Variants in FADS1 observed in about 807,000 individuals in gnomAD.
FADS1 encodes the protein fatty acid desaturase 1, also known as acyl-CoA (8-3)-desaturase.
Under a neutral mutation model 61.6 loss-of-function variants are expected in FADS1, and 17 were observed. That is an observed-to-expected ratio of 0.28 (90% CI 0.19 to 0.41). FADS1 has a LOEUF of 0.41. Ranked by LOEUF, FADS1 falls within the 10% of genes least tolerant of loss-of-function variation. FADS1 has a pLI of 1.00. For missense variants in FADS1, 387 were observed against 650.9 expected, an observed-to-expected ratio of 0.59 and a Z score of 4.41; for synonymous variants, 238 against 258.7, an observed-to-expected ratio of 0.92 and a Z score of 0.77.
Position 61,806,659 on chromosome 11 carries a change from C to G in FADS1, c.976+5G>C, listed in dbSNP as rs1197547434. 1 of 1,613,566 alleles carries G rather than the reference C, an allele frequency of 6.2e-7. No homozygotes were observed. Among genetic ancestry groups the G allele is most frequent in the South Asian group, 1.1e-5 (1 of 91,074 alleles). Reference sequence around the variant, plus strand: ...AGCTCCCCTGTGTTGGATGGGGACACTCACTTAGGAAGAAGTATTTGTGCT... The same window carrying G: ...AGCTCCCCTGTGTTGGATGGGGACAGTCACTTAGGAAGAAGTATTTGTGCT... On this transcript the variant is annotated splice_donor_5th_base_variant and intron_variant, in intron 6 of 11. Coordinates refer to ENST00000350997, the MANE Select transcript of FADS1 (RefSeq NM_013402.7).
intron 5 of FADS1, among the ~76,000 whole-genome samples, chr11:61,807,481 C>G (rs2066901864): frequency 6.6e-6 from 1 of 152,230 alleles, no homozygotes; most frequent in Admixed American, 6.5e-5. Flanking sequence ...ATCTTTTGGT[C>G]TCTTGACTTA....
At position 61,816,343 on chromosome 11, in the gene FADS1, C is replaced by A. The variant is rs775554876; in HGVS notation, c.375+212G>T. ...TGTGTGCGTGTTGTTGGCCTCCATC[C>A]CCACTCCCCAGACTCCACTTCTCCA... On this transcript the variant is annotated intron_variant, in intron 1 of 11. Coordinates refer to ENST00000350997, the MANE Select transcript of FADS1 (RefSeq NM_013402.7). This position sits in a 1 kb window ranked among gnomAD's most constrained non-coding sequence, Gnocchi z 7.0. 1.9e-6 allele frequency: 3 copies of A among 1,598,276 alleles called. No homozygotes were observed. Among genetic ancestry groups the A allele is most frequent in the African/African-American group, 2.7e-5 (2 of 74,920 alleles).
rs1486007206 is a variant in FADS1, at chr11:61,815,340, A to C, written c.375+1215T>G. 1 of 155,972 alleles carries C rather than the reference A, an allele frequency of 6.4e-6. No homozygotes were observed. The highest frequency in any genetic ancestry group is 1.5e-5 in the Non-Finnish European group (1 of 68,158). 9.7% of individuals were successfully genotyped at this position (155,972 alleles called of 1,614,324 possible). ...CCCTTGGCCGCAGTCAGGGCTCCCG[A>C]GTGGTCACTCTGGTTGACCCGCGCA... is the stretch of plus-strand genomic sequence containing the variant. On this transcript the variant is annotated intron_variant, in intron 1 of 11. Transcript: ENST00000350997. This position sits in a 1 kb window ranked among gnomAD's most constrained non-coding sequence, Gnocchi z 6.4.
At position 61,816,489 on chromosome 11, in the gene FADS1, C is replaced by T; in HGVS notation, c.375+66G>A. The T allele has an allele frequency of 6.2e-7, 1 of 1,601,072 alleles. No individual in the cohort carries two copies. On this transcript the variant is annotated intron_variant, in intron 1 of 11. Transcript: ENST00000350997. The surrounding 1 kb of genome is among the most constrained non-coding windows in gnomAD (Gnocchi z 7.0). ...TCGGTGTTTGGCTCGGAGTGCGTAA[C>T]TCTGTCTCCCCTGCACTCAGCCTCC...
At position 61,803,179 on chromosome 11, in the gene FADS1, G is replaced by C. The variant is rs1302732859; in HGVS notation, c.1249-68C>G. On this transcript the variant is annotated intron_variant, in intron 9 of 11. Transcript: ENST00000350997. This position sits in a 1 kb window ranked among gnomAD's most constrained non-coding sequence, Gnocchi z 4.3. The stretch of plus-strand genomic sequence containing the variant: ...GAAAGGCCAGCCCAGCATTCTCCAG[G>C]TAAAGCTGGCTGAGGAAGGGACATG... The C allele has an allele frequency of 6.6e-7, 1 of 1,504,754 alleles. No individual in the cohort carries two copies. The highest frequency in any genetic ancestry group is 9.2e-7 in the Non-Finnish European group (1 of 1,083,180). 93.2% of individuals were successfully genotyped at this position (1,504,754 alleles called of 1,614,324 possible).
At chr11:61,806,592 C>G (rs570811131) in intron 6 of FADS1, 72 bp downstream of exon 6, 1 of 1,353,296 alleles carries the variant, frequency 7.4e-7, no homozygotes, top group Non-Finnish European at 1.1e-6. Flanking sequence ...ATCCCTTGGA[C>G]AGCCACATCC....
chr11:61,808,845 T>G (rs1316257817), intron 5 of FADS1, among the ~76,000 whole-genome samples: 1 of 152,242 alleles, frequency 6.6e-6, no homozygotes, highest in Non-Finnish European at 1.5e-5. Flanking sequence ...TGGTCTGGTC[T>G]GGACTCGCTC....
intron 2 of FADS1, 91 bp downstream of exon 2, chr11:61,813,137 CTGACTGTGATTACTA>C: frequency 1.3e-6 from 1 of 783,348 alleles, no homozygotes; most frequent in Non-Finnish European, 2.3e-6. Context: ...AGAGCTACTA[CTGACTGTGATTACTA>C]TGACTGTGAT....
chr11:61,806,729 G>A lies in FADS1; in HGVS notation c.916-5C>T. The A allele has an allele frequency of 6.2e-7, 1 of 1,613,938 alleles. No homozygotes were observed. Among genetic ancestry groups the A allele is most frequent in the Non-Finnish European group, 8.5e-7 (1 of 1,179,790 alleles). ...TTTTTTCTTCTGTTTCCCAAGCTGT[G>A]AAGAAAAGCAAACACATGAGCATTC... is the stretch of plus-strand genomic sequence containing the variant. On this transcript the variant is annotated splice_region_variant and splice_polypyrimidine_tract_variant and intron_variant, in intron 5 of 11. Transcript: ENST00000350997.
In FADS1 at chr11:61,816,168, TGGCCACTGACCCCCTCCCTCCCCA is replaced by T; in HGVS notation, c.375+363_375+386del. The T allele has an allele frequency of 8.2e-7, 1 of 1,216,422 alleles. No homozygotes were observed. Among genetic ancestry groups the T allele is most frequent in the Non-Finnish European group, 1.1e-6 (1 of 873,512 alleles). 75.4% of individuals were successfully genotyped at this position (1,216,422 alleles called of 1,614,324 possible). A position where few individuals can be genotyped will look rare whatever the true frequency, so the allele number is the denominator to read the frequency against. ...CGAGACAGGATGTGACTCCCTCCCCTGGCCACTGACCCCCTCCCTCCCCAGGCGGCCTGCATCCTTGCTCTCCTC... is the reference window on the plus strand; with the variant it reads ...CGAGACAGGATGTGACTCCCTCCCCTGGCGGCCTGCATCCTTGCTCTCCTC... On this transcript the variant is annotated intron_variant, in intron 1 of 11. Transcript: ENST00000350997. The surrounding 1 kb of genome is among the most constrained non-coding windows in gnomAD (Gnocchi z 7.0).
In FADS1 at chr11:61,816,610, C is replaced by T; in HGVS notation, c.320G>A (p.Arg107His). 2.5e-6 allele frequency: 4 copies of T among 1,605,020 alleles called. No individual in the cohort carries two copies. The highest frequency in any genetic ancestry group is 1.1e-5 in the South Asian group (1 of 90,046). The change falls in exon 1 of 12, where the codon CGC becomes CAC. Residue 107 changes from arginine to histidine, a missense_variant. This residue lies in a region of FADS1 where 257 missense variants were observed against 533.3 expected (regional missense o/e 0.48). Coordinates refer to ENST00000350997, the MANE Select transcript of FADS1 (RefSeq NM_013402.7). This position sits in a 1 kb window ranked among gnomAD's most constrained non-coding sequence, Gnocchi z 7.0. Reference protein sequence around the residue: ...RKVYNISEFTRRHPGGSRVIS... With the variant: ...RKVYNISEFTHRHPGGSRVIS... ...GACCCGGGAGCCCCCTGGATGCCGG[C>T]GGGTGAACTCGCTGATGTTGTACAC...
intron 5 of FADS1, 61 bp from the exon 6 acceptor site, chr11:61,806,785 G>A: frequency 6.6e-7 from 1 of 1,512,362 alleles, no homozygotes; most frequent in Non-Finnish European, 9.2e-7. Flanking sequence ...TCTGTGACTT[G>A]ACCTTTCCTT....
rs749976161 is a variant in FADS1 at position 61,816,732 on chromosome 11, C to G, written c.198G>C (p.Glu66Asp). Residue 66 changes from glutamate to aspartate, a missense_variant, in exon 1 of 12, where the codon GAG (glutamate) becomes GAC (aspartate). By Grantham distance (45) the Glu-to-Asp change is conservative (BLOSUM62 2). Coordinates refer to ENST00000350997, the MANE Select transcript of FADS1 (RefSeq NM_013402.7). The surrounding 1 kb of genome is among the most constrained non-coding windows in gnomAD (Gnocchi z 7.0). The part of the protein sequence containing the change: ...PAMAPDPVAA[E>D]TAAQGPTPRY... ...GCGGGGTAGGTCCCTGAGCCGCGGTCTCGGCGGCCACCGGGTCGGGGGCCA... is the reference window on the plus strand; with the variant it reads ...GCGGGGTAGGTCCCTGAGCCGCGGTGTCGGCGGCCACCGGGTCGGGGGCCA... The G allele has an allele frequency of 1.3e-6, 2 of 1,558,710 alleles. No homozygotes were observed. The highest frequency in any genetic ancestry group is 1.7e-6 in the Non-Finnish European group (2 of 1,152,556).
chr11:61,815,915 T>TGTACG lies in FADS1; in HGVS notation c.375+639_375+640insCGTAC, dbSNP rs1383149447. On this transcript the variant is annotated intron_variant, in intron 1 of 11. Transcript: ENST00000350997. The surrounding 1 kb of genome is among the most constrained non-coding windows in gnomAD (Gnocchi z 6.4). ...CTCGCTAAGTGTATGCCATTCCCAA[T>TGTACG]CCCTTATGTACGCCAGCGGCCGCTT... 9.7e-6 allele frequency: 3 copies of TGTACG among 310,288 alleles called. No individual in the cohort carries two copies. Among genetic ancestry groups the TGTACG allele is most frequent in the Non-Finnish European group, 1.8e-5 (3 of 164,422 alleles). 19.2% of individuals were successfully genotyped at this position (310,288 alleles called of 1,614,324 possible). A position where few individuals can be genotyped will look rare whatever the true frequency, so the allele number is the denominator to read the frequency against.
At chr11:61,807,033 A>G (rs1356259687) in intron 5 of FADS1, among the ~76,000 whole-genome samples, 1 of 152,162 alleles carries the variant, frequency 6.6e-6, no homozygotes, top group Non-Finnish European at 1.5e-5. Flanking sequence ...TGAGGTTTCC[A>G]GGCCCCACTG....
intron 5 of FADS1, among the ~76,000 whole-genome samples, chr11:61,807,090 G>A (rs140001723): frequency 1.3e-5 from 2 of 151,964 alleles, no homozygotes; most frequent in South Asian, 2.1e-4. Context: ...TTTTTTAGAC[G>A]GAGTCTCGCT....
At chr11:61,809,495 A>G (rs938739522) in intron 5 of FADS1, among the ~76,000 whole-genome samples, 3 of 152,180 alleles carry the variant, frequency 2.0e-5, no homozygotes, top group African/African-American at 4.8e-5. Context: ...GCACATGCCA[A>G]CTGCGTCCCT....
In FADS1 at chr11:61,803,274, T is replaced by G; in HGVS notation, c.1248+89A>C. On this transcript the variant is annotated intron_variant, in intron 9 of 11. Coordinates refer to ENST00000350997, the MANE Select transcript of FADS1 (RefSeq NM_013402.7). The surrounding 1 kb of genome is among the most constrained non-coding windows in gnomAD (Gnocchi z 4.3). Reference sequence around the variant, plus strand: ...CTCAGGCTAATGAGAAAATGCTGTTTGGGGGACTTTTTGTTTTTGCTGTTT... The same window carrying G: ...CTCAGGCTAATGAGAAAATGCTGTTGGGGGGACTTTTTGTTTTTGCTGTTT... The G allele has an allele frequency of 7.7e-7, 1 of 1,304,414 alleles. No homozygotes were observed. Among genetic ancestry groups the G allele is most frequent in the Non-Finnish European group, 1.1e-6 (1 of 898,086 alleles). The allele number at this position is 1,304,414 out of a possible 1,614,324, so 80.8% of individuals were successfully genotyped here.
intron 5 of FADS1, among the ~76,000 whole-genome samples, chr11:61,809,639 T>A (rs188527858): frequency 6.6e-6 from 1 of 152,296 alleles, no homozygotes; most frequent in African/African-American, 2.4e-5. Context: ...CCCTCTGTAG[T>A]GACAGTAGAA....
Sources: allele counts gnomAD v4.1 joint callset (sites outside exome capture counted in the v4.1 genomes callset), GRCh38; gene constraint gnomAD v4.1.1; regional missense constraint gnomAD v4.1.1; non-coding constraint Gnocchi (gnomAD v3.1); transcripts MANE v1.5; gene names NCBI Gene and HGNC (gene_info 2026-07-23, HGNC 2026-07-21).